The following DBN1 variants were observed in gnomAD, a reference collection of about 807,000 sequenced individuals.
DBN1 encodes the protein drebrin.
A neutral mutation model predicts 83.5 loss-of-function variants in DBN1; 21 were observed. That is an observed-to-expected ratio of 0.25 (90% CI 0.18 to 0.36). The LOEUF (loss-of-function observed/expected upper bound fraction) is 0.36. DBN1 is among the 10% of genes least tolerant of loss of function. The probability of loss-of-function intolerance (pLI) is 1.00; values close to 1 mark genes in which losing one functional copy is unlikely to be tolerated. For missense variants in DBN1, 874 were observed against 935.7 expected, an observed-to-expected ratio of 0.93 and a Z score of 0.86; for synonymous variants, 381 against 384.9, an observed-to-expected ratio of 0.99 and a Z score of 0.12.
Position 177,473,562 on chromosome 5 carries a change from G to T in DBN1, c.-41C>A. 1 of 1,292,600 alleles carries T rather than the reference G, an allele frequency of 7.7e-7. No homozygotes were observed. Among genetic ancestry groups the T allele is most frequent in the Non-Finnish European group, 1.0e-6 (1 of 1,001,108 alleles). The allele number at this position is 1,292,600 out of a possible 1,614,324, so 80.1% of individuals were successfully genotyped here. The stretch of plus-strand genomic sequence containing the variant: ...GGGCCGAACGGACAGACGCGCGGAC[G>T]GACGGGCGGACGGAGGAGGAGGGAG... On this transcript the variant is annotated 5_prime_UTR_variant, in exon 1 of 15. Coordinates refer to ENST00000393565, the MANE Select transcript of DBN1 (RefSeq NM_001363541.2).
chr5:177,469,041 G>A (rs1245807150), intron 1 of DBN1, 142 bp from the exon 2 acceptor site: 3 of 487,356 alleles, frequency 6.2e-6, no homozygotes, highest in African/African-American at 2.0e-5. Flanking sequence ...TGACAACAGG[G>A]CCAGGCATCG....
intron 1 of DBN1, 159 bp downstream of exon 1, chr5:177,473,277 C>A: frequency 2.8e-6 from 1 of 357,372 alleles, no homozygotes; most frequent in East Asian, 4.6e-5. Flanking sequence ...GCCCCTCCCC[C>A]GGCGCGCACA....
chr5:177,472,100 G>C (rs751924540), intron 1 of DBN1: 1 of 1,599,404 alleles, frequency 6.3e-7, no homozygotes, highest in Non-Finnish European at 8.5e-7. Context: ...AGCCTGTGCC[G>C]GCCTCTCCTG....
At chr5:177,461,977 CAG>C (rs1757074983) in intron 8 of DBN1, among the ~76,000 whole-genome samples, 1 of 152,166 alleles carries the variant, frequency 6.6e-6, no homozygotes, top group Admixed American at 6.5e-5. Context: ...CTTGAGGTGA[CAG>C]AGCCCTGGCG....
chr5:177,468,461 G>A (rs1757623623), intron 2 of DBN1: 6 of 568,182 alleles, frequency 1.1e-5, no homozygotes, highest in Non-Finnish European at 1.9e-5. Context: ...GGAAGTGTTT[G>A]TTCTTCACAC....
chr5:177,458,996 T>C, intron 12 of DBN1, 102 bp downstream of exon 12: 1 of 1,514,002 alleles, frequency 6.6e-7, no homozygotes, highest in Non-Finnish European at 8.8e-7. Context: ...GTCTTGGTGA[T>C]GGGTGGCCCA....
intron 8 of DBN1, among the ~76,000 whole-genome samples, chr5:177,461,252 C>T (rs1008576834): frequency 6.6e-6 from 1 of 151,540 alleles, no homozygotes; most frequent in Non-Finnish European, 1.5e-5. Flanking sequence ...GCGCCCGCCA[C>T]TACGCCCGGC....
intron 1 of DBN1, 146 bp from the exon 2 acceptor site, chr5:177,469,045 G>A: frequency 2.1e-6 from 1 of 484,486 alleles, no homozygotes; most frequent in Non-Finnish European, 3.6e-6. Context: ...AACAGGGCCA[G>A]GCATCGGTTC....
chr5:177,458,493 G>A lies in DBN1; in HGVS notation c.1479C>T (p.His493=), dbSNP rs766622471. ...CAGTTTCAATGGTGTCAGCTGCATC[G>A]TGGATCTCCGTGGCGTCAGCTGTGG... is the stretch of plus-strand genomic sequence containing the variant. The part of the protein sequence containing the change: ...EPATADATEI[H]DAADTIETDT... Residue 493 remains histidine, a synonymous_variant, in exon 13 of 15, where the codon CAC becomes CAT. Transcript: ENST00000393565. 11 of 1,613,746 alleles carry A rather than the reference G, an allele frequency of 6.8e-6. No homozygotes were observed. Among genetic ancestry groups the A allele is most frequent in the South Asian group, 1.1e-5 (1 of 91,080 alleles).
chr5:177,457,878 A>T, intron 13 of DBN1, 121 bp from the exon 14 acceptor site: 1 of 863,040 alleles, frequency 1.2e-6, no homozygotes, highest in Non-Finnish European at 1.8e-6. Context: ...GGAAACAAGG[A>T]TGCCTGCCTT....
chr5:177,468,560 TGAA>T, intron 2 of DBN1: 1 of 446,536 alleles, frequency 2.2e-6, no homozygotes, highest in Non-Finnish European at 4.0e-6. Flanking sequence ...GGGAAGGCGG[TGAA>T]TAGGGCCCTT....
chr5:177,468,690 A>G, intron 2 of DBN1, 154 bp downstream of exon 2: 1 of 473,156 alleles, frequency 2.1e-6, no homozygotes, highest in Non-Finnish European at 3.7e-6. Context: ...CTGGGGACAC[A>G]GGGATGACTG....
intron 1 of DBN1, among the ~76,000 whole-genome samples, chr5:177,471,658 G>A (rs1402812286): frequency 6.6e-6 from 1 of 152,090 alleles, no homozygotes; most frequent in Non-Finnish European, 1.5e-5. Context: ...AATGTTATCT[G>A]GGCCCTTAGT....
In DBN1 at chr5:177,456,725, A is replaced by G. The variant is rs1349812745; in HGVS notation, c.*708T>C. On this transcript the variant is annotated 3_prime_UTR_variant, in exon 15 of 15. Transcript: ENST00000393565. ...AACAGTTACTAAACGTGAAAAAGGA[A>G]CCCAAGCAAAGAGGAAGGAGTTGGG... The G allele has an allele frequency of 6.6e-6, 1 of 150,390 alleles. No individual in the cohort carries two copies. Among genetic ancestry groups the G allele is most frequent in the Admixed American group, 6.6e-5 (1 of 15,096 alleles). 9.3% of individuals were successfully genotyped at this position (150,390 alleles called of 1,614,324 possible).
chr5:177,468,684 G>A (rs888071994), intron 2 of DBN1, 160 bp downstream of exon 2: 4 of 462,646 alleles, frequency 8.6e-6, no homozygotes, highest in African/African-American at 5.9e-5. Context: ...CCCACCCTGG[G>A]GACACAGGGA....
In DBN1 at chr5:177,458,470, G is replaced by T. The variant is rs1178672498; in HGVS notation, c.1502C>A (p.Thr501Asn). The change falls in exon 13 of 15, where the codon ACT becomes AAT. Residue 501 changes from threonine (T) to asparagine (N), a missense_variant. Thr to Asn is a moderately conservative substitution (Grantham distance 65, BLOSUM62 0). This residue lies in a region of DBN1 where 725 missense variants were observed against 719.7 expected (regional missense o/e 1.01). Transcript: ENST00000393565. ...EIHDAADTIETDTATADTTVA... is the reference protein window; with the variant it reads ...EIHDAADTIENDTATADTTVA... ...AGTGGTGTCAGCAGTGGCAGTGTCA[G>T]TTTCAATGGTGTCAGCTGCATCGTG... 2 of 1,613,680 alleles carry T rather than the reference G, an allele frequency of 1.2e-6. No homozygotes were observed. The highest frequency in any genetic ancestry group is 8.5e-7 in the Non-Finnish European group (1 of 1,179,642).
chr5:177,467,710 C>T lies in DBN1; in HGVS notation c.330+33G>A, dbSNP rs1184170090. 2 of 1,552,598 alleles carry T rather than the reference C, an allele frequency of 1.3e-6. No homozygotes were observed. Among genetic ancestry groups the T allele is most frequent in the African/African-American group, 1.4e-5 (1 of 73,242 alleles). On this transcript the variant is annotated intron_variant, in intron 4 of 14. Coordinates refer to ENST00000393565, the MANE Select transcript of DBN1 (RefSeq NM_001363541.2). This position sits in a 1 kb window ranked among gnomAD's most constrained non-coding sequence, Gnocchi z 9.1. Reference sequence around the variant, plus strand: ...AGCACGCAGACCCTGGTGGCTGTCCCCACCCCCAAGAGCGCTGGCCCCTGA... The same window carrying T: ...AGCACGCAGACCCTGGTGGCTGTCCTCACCCCCAAGAGCGCTGGCCCCTGA...
At chr5:177,459,844 G>T in intron 10 of DBN1, 104 bp from the exon 11 acceptor site, 1 of 1,293,452 alleles carries the variant, frequency 7.7e-7, no homozygotes, top group Non-Finnish European at 1.0e-6. Flanking sequence ...GGCCCTGGAT[G>T]TCCAAGCTGC....
At chr5:177,459,460 G>A (rs1561678380) in intron 11 of DBN1, 143 bp downstream of exon 11, 1 of 1,330,700 alleles carries the variant, frequency 7.5e-7, no homozygotes, top group East Asian at 2.7e-5. Context: ...TGCCCCATAA[G>A]GCCAGGGGCA....
Sources: gnomAD v4.1 joint callset for allele counts (sites outside exome capture counted in the v4.1 genomes callset) on GRCh38, gnomAD v4.1.1 for gene constraint, gnomAD v4.1.1 regional missense constraint, Gnocchi (gnomAD v3.1) non-coding constraint, MANE v1.5 for transcripts, NCBI Gene and HGNC (gene_info 2026-07-23, HGNC 2026-07-21) for gene names.